The following MET variants were observed in gnomAD, a reference collection of about 807,000 sequenced individuals.
The protein encoded by MET is hepatocyte growth factor receptor.
In MET, 48 loss-of-function variants were observed where a neutral mutation model predicts 133.1. The observed-to-expected ratio is 0.36, with a 90% confidence interval of 0.29 to 0.46. The LOEUF is 0.46. MET is among the 20% of genes least tolerant of loss of function. MET has a pLI of 1.00. For missense variants in MET, 1,442 were observed against 1,695.9 expected, an observed-to-expected ratio of 0.85 and a Z score of 2.63; for synonymous variants, 628 against 616.5, an observed-to-expected ratio of 1.02 and a Z score of -0.28.
intron 14 of MET, 117 bp from the exon 15 acceptor site, chr7:116,774,764 T>C: frequency 1.3e-6 from 1 of 786,796 alleles, no homozygotes; most frequent in East Asian, 2.6e-5. Context: ...TTAGTATCTT[T>C]TCCCAATTTA....
chr7:116,684,085 A>G (rs1392284200), intron 1 of MET, among the ~76,000 whole-genome samples: 1 of 152,186 alleles, frequency 6.6e-6, no homozygotes, highest in Non-Finnish European at 1.5e-5. Flanking sequence ...CATCAGGGTT[A>G]TTAACTCAAC....
intron 3 of MET, among the ~76,000 whole-genome samples, chr7:116,733,980 G>A (rs1470883300): frequency 6.6e-6 from 1 of 152,196 alleles, no homozygotes; most frequent in Non-Finnish European, 1.5e-5. Context: ...TAAAGCATTT[G>A]AAGGATCAAA....
rs558788015 is a variant in MET, at chr7:116,780,087, G to C, written c.3522+1130G>C. On this transcript the variant is annotated intron_variant, in intron 17 of 20. Transcript: ENST00000397752. The stretch of plus-strand genomic sequence containing the variant: ...AAAACAGTGTTTAGCACATAGACTC[G>C]CAGTAAATAATTGTTGAATGAATCA... Among the ~76,000 whole-genome samples, 88 of 152,214 alleles carry C rather than the reference G, an allele frequency of 5.8e-4. 1 individual carries two copies. Among genetic ancestry groups the C allele is most frequent in the African/African-American group, 2.0e-3 (83 of 41,520 alleles).
chr7:116,675,681 G>A (rs1235696699), intron 1 of MET, among the ~76,000 whole-genome samples: 1 of 152,000 alleles, frequency 6.6e-6, no homozygotes, highest in African/African-American at 2.4e-5. Context: ...GCTTAAGATA[G>A]TGGTAAATGA....
chr7:116,710,997 T>C (rs1791973337), intron 2 of MET, among the ~76,000 whole-genome samples: 1 of 152,252 alleles, frequency 6.6e-6, no homozygotes, highest in Non-Finnish European at 1.5e-5. Flanking sequence ...ATGCTGGTGG[T>C]TCAAGAACTA....
At chr7:116,753,568 G>C (rs1195447344) in intron 5 of MET, among the ~76,000 whole-genome samples, 3 of 152,108 alleles carry the variant, frequency 2.0e-5, no homozygotes, top group Non-Finnish European at 4.4e-5. Flanking sequence ...ATAACAAAAT[G>C]AGTCTGTTAT....
At chr7:116,688,790 T>G (rs1796667402) in intron 1 of MET, among the ~76,000 whole-genome samples, 1 of 152,192 alleles carries the variant, frequency 6.6e-6, no homozygotes, top group South Asian at 2.1e-4. Context: ...AACTAGAAAA[T>G]GCACAATTGG....
intron 9 of MET, 64 bp downstream of exon 9, chr7:116,758,684 T>C (rs1794283102): frequency 1.3e-6 from 2 of 1,533,002 alleles, no homozygotes; most frequent in Non-Finnish European, 1.8e-6. Context: ...TGCTGTAGAA[T>C]AGTCAAGAGG....
In MET at chr7:116,778,932, G is replaced by A. The variant is rs199763277; in HGVS notation, c.3497G>A (p.Arg1166Gln). 5.9e-5 allele frequency: 96 copies of A among 1,613,690 alleles called. No homozygotes were observed. Among genetic ancestry groups the A allele is most frequent in the African/African-American group, 5.3e-5 (4 of 74,876 alleles). Reference sequence around the variant, plus strand: ...CCATACATGAAACATGGAGATCTTCGAAATTTCATTCGAAATGAGACTCAT... The same window carrying A: ...CCATACATGAAACATGGAGATCTTCAAAATTTCATTCGAAATGAGACTCAT... ...VLPYMKHGDLRNFIRNETHNP... is the reference protein window; with the variant it reads ...VLPYMKHGDLQNFIRNETHNP... The change falls in exon 17 of 21, where the codon CGA (arginine) becomes CAA (glutamine). Residue 1166 changes from arginine to glutamine, a missense_variant. Around this residue, in one of 6 missense-constraint regions of MET, gnomAD observed 514 missense variants for 659.6 expected, o/e 0.78. Transcript: ENST00000397752.
At chr7:116,711,206 CT>C (rs1320163570) in intron 2 of MET, among the ~76,000 whole-genome samples, 2 of 152,196 alleles carry the variant, frequency 1.3e-5, no homozygotes, top group Non-Finnish European at 2.9e-5. Flanking sequence ...TTGTTTAATG[CT>C]GTGTTTCCTG....
chr7:116,782,264 T>G (rs1795180019), intron 18 of MET, among the ~76,000 whole-genome samples, 167 bp downstream of exon 18: 1 of 152,236 alleles, frequency 6.6e-6, no homozygotes, highest in South Asian at 2.1e-4. Flanking sequence ...GGTGGGACTT[T>G]CAGACTTTAT....
chr7:116,733,968 C>T (rs1166794481), intron 3 of MET, among the ~76,000 whole-genome samples: 1 of 151,986 alleles, frequency 6.6e-6, no homozygotes, highest in East Asian at 1.9e-4. Flanking sequence ...TATAAAGAAA[C>T]CTAAAGCATT....
At chr7:116,758,012 C>T (rs1015157989) in intron 8 of MET, among the ~76,000 whole-genome samples, 1 of 152,074 alleles carries the variant, frequency 6.6e-6, no homozygotes, top group Admixed American at 6.6e-5. Flanking sequence ...CCCATCCACC[C>T]TCTTTATTGT....
intron 2 of MET, among the ~76,000 whole-genome samples, chr7:116,727,275 G>A (rs187350432): frequency 5.9e-4 from 89 of 150,420 alleles, no homozygotes; most frequent in African/African-American, 2.2e-3. Flanking sequence ...AGAAATTCAG[G>A]AGTTTGAACA....
intron 19 of MET, among the ~76,000 whole-genome samples, chr7:116,785,328 G>T (rs1795279700): frequency 6.6e-6 from 1 of 152,224 alleles, no homozygotes; most frequent in South Asian, 2.1e-4. Flanking sequence ...AGCACTAAGG[G>T]GAGGTCTCAG....
intron 2 of MET, among the ~76,000 whole-genome samples, chr7:116,723,324 C>T (rs1248624760): frequency 2.1e-5 from 3 of 146,124 alleles, no homozygotes; most frequent in Non-Finnish European, 3.0e-5. Context: ...CCTTGGTTTT[C>T]AGCTCCATCA....
At chr7:116,697,706 C>A (rs1292816383) in intron 1 of MET, among the ~76,000 whole-genome samples, 1 of 152,192 alleles carries the variant, frequency 6.6e-6, no homozygotes, top group Non-Finnish European at 1.5e-5. Context: ...GCCAAGCAGA[C>A]CTTGTCCTTG....
At chr7:116,764,852 G>A (rs1182567563) in intron 11 of MET, among the ~76,000 whole-genome samples, 1 of 152,172 alleles carries the variant, frequency 6.6e-6, no homozygotes, top group South Asian at 2.1e-4. Flanking sequence ...AGTGGGAGCA[G>A]TGGCAATTCA....
At chr7:116,687,463 T>C (rs1796602923) in intron 1 of MET, among the ~76,000 whole-genome samples, 1 of 152,242 alleles carries the variant, frequency 6.6e-6, no homozygotes, top group Non-Finnish European at 1.5e-5. Context: ...GATCTCAACA[T>C]AATGCTATTC....
Sources: gnomAD v4.1 joint callset for allele counts (sites outside exome capture counted in the v4.1 genomes callset) on GRCh38, gnomAD v4.1.1 for gene constraint, gnomAD v4.1.1 regional missense constraint, MANE v1.5 for transcripts, NCBI Gene and HGNC (gene_info 2026-07-23, HGNC 2026-07-21) for gene names.